The following TCOF1 variants were observed in gnomAD, a reference collection of about 807,000 sequenced individuals.
TCOF1 encodes the protein treacle protein.
TCOF1 carries 33 observed loss-of-function variants against 149.0 expected under a neutral mutation model. That is an observed-to-expected ratio of 0.22 (90% confidence interval 0.17 to 0.30). The LOEUF is 0.30. Ranked by LOEUF, TCOF1 falls within the 10% of genes least tolerant of loss-of-function variation. The pLI is 1.00. For synonymous variants in TCOF1, 789 were observed against 738.8 expected, an observed-to-expected ratio of 1.07 and a Z score of -1.10; for missense variants, 1,728 against 1,840.7, an observed-to-expected ratio of 0.94 and a Z score of 1.12.
chr5:150,367,574 C>A, intron 3 of TCOF1: 2 of 463,888 alleles, frequency 4.3e-6, no homozygotes, highest in Non-Finnish European at 8.0e-6. Flanking sequence ...CCTCCAGGGG[C>A]CTCCACGTCT....
intron 17 of TCOF1, chr5:150,384,540 C>T (rs562143221): frequency 5.1e-6 from 5 of 985,484 alleles, no homozygotes; most frequent in Non-Finnish European, 6.0e-6. Context: ...CCACCTGCCT[C>T]TCTGAGGGAT....
At chr5:150,386,494 ACC>A (rs1166076332) in intron 17 of TCOF1, among the ~76,000 whole-genome samples, 5 of 152,102 alleles carry the variant, frequency 3.3e-5, no homozygotes, top group Non-Finnish European at 7.4e-5. Context: ...AGAAGCTTCC[ACC>A]CTCAGGCAGG....
chr5:150,379,463 C>T (rs571771568), intron 16 of TCOF1, 55 bp downstream of exon 16: 395 of 1,614,112 alleles, frequency 2.4e-4, no homozygotes, highest in Non-Finnish European at 3.2e-4. Flanking sequence ...ACCTTTGCCA[C>T]ATCCAGCTCC....
chr5:150,391,440 C>A, intron 19 of TCOF1, 104 bp from the exon 20 acceptor site: 1 of 1,018,384 alleles, frequency 9.8e-7, no homozygotes, highest in Non-Finnish European at 1.6e-6. Context: ...CCCCTCAGTC[C>A]CTGCTCCAGC....
In TCOF1 at chr5:150,379,654, G is replaced by A. The variant is rs758585070; in HGVS notation, c.2781G>A (p.Gly927=). ...GKTGPSAAQA[G]KQDDSGSSSE... Reference sequence around the variant, plus strand: ...CAGGGCCTTCGGCTGCCCAGGCAGGGAAGCAGGATGACTCAGGGAGCAGCA... The same window carrying A: ...CAGGGCCTTCGGCTGCCCAGGCAGGAAAGCAGGATGACTCAGGGAGCAGCA... The change falls in exon 17 of 27, where the codon GGG becomes GGA. Residue 927 remains glycine, a synonymous_variant. Coordinates refer to ENST00000643257, the MANE Select transcript of TCOF1 (RefSeq NM_001371623.1). The A allele has an allele frequency of 1.7e-5, 27 of 1,614,082 alleles. No homozygotes were observed. The East Asian group carries it at 5.8e-4, about 35-fold the overall frequency.
intron 7 of TCOF1, among the ~76,000 whole-genome samples, chr5:150,373,581 G>A (rs113866468): frequency 0.025 from 3,821 of 152,192 alleles, 66 homozygotes; most frequent in Middle Eastern, 0.054. Context: ...GAGCCCCACC[G>A]AGGAGTTAGT....
intron 3 of TCOF1, among the ~76,000 whole-genome samples, chr5:150,365,821 A>T (rs1434696002): frequency 6.6e-6 from 1 of 151,830 alleles, no homozygotes; most frequent in Non-Finnish European, 1.5e-5. Context: ...TTATTTTTTT[A>T]AAAGTCTTCA....
At chr5:150,369,718 G>A (rs1485573650) in intron 6 of TCOF1, 116 bp downstream of exon 6, 1 of 1,164,774 alleles carries the variant, frequency 8.6e-7, no homozygotes, top group African/African-American at 1.5e-5. Context: ...GTGGTAGGGT[G>A]ACCAGGAGCT....
Position 150,379,052 on chromosome 5 carries a change from G to T in TCOF1, c.2478+10G>T. ...GAGGTCTCCATCCAAGGCAAGTGGG[G>T]CCAGAAGCCACAGGAGGTGTGGAGG... On this transcript the variant is annotated intron_variant, in intron 15 of 26. Coordinates refer to ENST00000643257, the MANE Select transcript of TCOF1 (RefSeq NM_001371623.1). 2 of 1,613,886 alleles carry T rather than the reference G, an allele frequency of 1.2e-6. No individual in the cohort carries two copies. The highest frequency in any genetic ancestry group is 2.2e-5 in the South Asian group (2 of 91,074).
At position 150,376,342 on chromosome 5, in the gene TCOF1, G is replaced by C; in HGVS notation, c.2142+12G>C. ...TAACCGTGGGACAGGTGAGGCCTGT[G>C]TTTTCTGGGCGGGCCTCAGGGCCGC... On this transcript the variant is annotated intron_variant, in intron 13 of 26. Transcript: ENST00000643257. 6.2e-7 allele frequency: 1 copy of C among 1,614,094 alleles called. No individual in the cohort carries two copies. Among genetic ancestry groups the C allele is most frequent in the Non-Finnish European group, 8.5e-7 (1 of 1,179,988 alleles).
At chr5:150,365,578 C>T (rs1316790439) in intron 3 of TCOF1, among the ~76,000 whole-genome samples, 2 of 152,130 alleles carry the variant, frequency 1.3e-5, no homozygotes, top group Non-Finnish European at 2.9e-5. Context: ...TGTATTCTTA[C>T]ATGCATATAT....
At chr5:150,398,576 G>A in intron 25 of TCOF1, 125 bp downstream of exon 25, 1 of 1,450,282 alleles carries the variant, frequency 6.9e-7, no homozygotes, top group Non-Finnish European at 9.6e-7. Flanking sequence ...GTCAGGGGTT[G>A]TGACACACCA....
rs1257558753 is a variant in TCOF1 at position 150,384,495 on chromosome 5, A to T, written c.2860-3407A>T. On this transcript the variant is annotated intron_variant, in intron 17 of 26. Transcript: ENST00000643257. ...ACACTCTCCTCTCCTGGGCTTGGGCATTGCCCTCTGGCTCTGTGTGGAGCC... is the reference window on the plus strand; with the variant it reads ...ACACTCTCCTCTCCTGGGCTTGGGCTTTGCCCTCTGGCTCTGTGTGGAGCC... 4 of 985,328 alleles carry T rather than the reference A, an allele frequency of 4.1e-6. No individual in the cohort carries two copies. In the African/African-American group the frequency reaches 7.0e-5, roughly 17 times the overall value. 61.0% of individuals were successfully genotyped at this position (985,328 alleles called of 1,614,324 possible). A position where few individuals can be genotyped will look rare whatever the true frequency, so the allele number is the denominator to read the frequency against.
chr5:150,370,665 A>G (rs1168333166), intron 6 of TCOF1, among the ~76,000 whole-genome samples: 1 of 152,128 alleles, frequency 6.6e-6, no homozygotes, highest in Admixed American at 6.5e-5. Flanking sequence ...CAAAACCTTG[A>G]TCTTTAAATG....
chr5:150,361,092 G>C lies in TCOF1; in HGVS notation c.109-64G>C, dbSNP rs1316963906. 1.9e-6 allele frequency: 3 copies of C among 1,607,106 alleles called. No homozygotes were observed. The African/African-American group carries it at 4.0e-5, about 22-fold the overall frequency. On this transcript the variant is annotated intron_variant, in intron 1 of 26. Transcript: ENST00000643257. ...ACAAGTCATGAGTTTGGGGAGATCT[G>C]GGCCCAAGAAGGATCCTTACTGTGC...
At position 150,378,975 on chromosome 5, in the gene TCOF1, G is replaced by A; in HGVS notation, c.2411G>A (p.Gly804Glu). The A allele has an allele frequency of 6.2e-7, 1 of 1,614,052 alleles. No homozygotes were observed. The highest frequency in any genetic ancestry group is 2.2e-5 in the East Asian group (1 of 44,868). The change falls in exon 15 of 27, where the codon GGG becomes GAG. Residue 804 changes from glycine to glutamate, a missense_variant. Physicochemically the swap from Gly to Glu is moderately conservative, Grantham distance 98 (BLOSUM62 -2). Coordinates refer to ENST00000643257, the MANE Select transcript of TCOF1 (RefSeq NM_001371623.1). ...GCCGCCAGAGCACCTTCAGCAAAAG[G>A]GACAATTTCAGCCCCTGGAAAAGTT... is the stretch of plus-strand genomic sequence containing the variant. Reference protein sequence around the residue: ...PAAARAPSAKGTISAPGKVVT... With the variant: ...PAAARAPSAKETISAPGKVVT...
chr5:150,387,034 G>A (rs1055709114), intron 17 of TCOF1, among the ~76,000 whole-genome samples: 22 of 152,180 alleles, frequency 1.4e-4, no homozygotes, highest in African/African-American at 4.1e-4. Context: ...CTCGTTTCAC[G>A]CAAACCCTCC....
intron 17 of TCOF1, among the ~76,000 whole-genome samples, chr5:150,387,194 C>T (rs1766465608): frequency 2.6e-5 from 4 of 152,230 alleles, no homozygotes; most frequent in Admixed American, 6.5e-5. Context: ...TTGATCTACC[C>T]AGTCAGTGTC....
chr5:150,377,517 T>C (rs1304262281), intron 14 of TCOF1, among the ~76,000 whole-genome samples: 1 of 152,234 alleles, frequency 6.6e-6, no homozygotes, highest in African/African-American at 2.4e-5. Flanking sequence ...TATTTTTAAT[T>C]GTCGCTCTGT....
Sources: gnomAD v4.1 joint callset for allele counts (sites outside exome capture counted in the v4.1 genomes callset) on GRCh38, gnomAD v4.1.1 for gene constraint, MANE v1.5 for transcripts, NCBI Gene and HGNC (gene_info 2026-07-23, HGNC 2026-07-21) for gene names.